Variants in CHSY3 observed in about 807,000 individuals in gnomAD.
The protein encoded by CHSY3 is chondroitin sulfate synthase 3, also known as N-acetylgalactosaminyl-proteoglycan 3-beta-glucuronosyltransferase 3.
A neutral mutation model predicts 67.2 loss-of-function variants in CHSY3; 35 were observed. The ratio of observed to expected loss-of-function variants is 0.52; its 90% CI spans 0.40 to 0.69. The LOEUF (loss-of-function observed/expected upper bound fraction) is 0.69. Among genes scored for constraint, CHSY3 ranks in the 30% least tolerant of loss-of-function variants. CHSY3 has a pLI of 0.00. For missense variants in CHSY3, 1,069 were observed against 1,138.5 expected, an observed-to-expected ratio of 0.94 and a Z score of 0.88; for synonymous variants, 474 against 434.7, an observed-to-expected ratio of 1.09 and a Z score of -1.12.
At chr5:130,131,295 G>A (rs1457050931) in intron 2 of CHSY3, among the ~76,000 whole-genome samples, 2 of 152,070 alleles carry the variant, frequency 1.3e-5, no homozygotes, top group African/African-American at 4.8e-5. Context: ...AGCCTTTTCT[G>A]TCTAGACACC....
At chr5:130,150,645 A>C (rs1023722082) in intron 2 of CHSY3, among the ~76,000 whole-genome samples, 2 of 152,186 alleles carry the variant, frequency 1.3e-5, no homozygotes, top group Non-Finnish European at 2.9e-5. Flanking sequence ...ACTTTCCATC[A>C]TGGTGCTAAG....
intron 2 of CHSY3, among the ~76,000 whole-genome samples, chr5:130,175,804 T>C (rs1770029866): frequency 6.6e-6 from 1 of 152,232 alleles, no homozygotes; most frequent in Admixed American, 6.5e-5. Context: ...GCTACCCATA[T>C]GCAGAAAACT....
chr5:130,166,564 T>C (rs1379799288), intron 2 of CHSY3, among the ~76,000 whole-genome samples: 1 of 152,154 alleles, frequency 6.6e-6, no homozygotes, highest in African/African-American at 2.4e-5. Flanking sequence ...CTTTACTTGA[T>C]TTTTGTTAGC....
chr5:130,032,352 G>GT (rs1764726558), intron 2 of CHSY3, among the ~76,000 whole-genome samples: 2 of 152,112 alleles, frequency 1.3e-5, no homozygotes. Context: ...TTCTACTAAT[G>GT]TAAAAATATT....
At chr5:130,177,105 A>G (rs754299505) in intron 2 of CHSY3, among the ~76,000 whole-genome samples, 1 of 151,450 alleles carries the variant, frequency 6.6e-6, no homozygotes, top group Non-Finnish European at 1.5e-5. Context: ...TTCCTTTCCT[A>G]CACAATCACA....
intron 2 of CHSY3, among the ~76,000 whole-genome samples, chr5:130,146,381 T>C (rs143517810): frequency 6.6e-6 from 1 of 152,236 alleles, no homozygotes; most frequent in African/African-American, 2.4e-5. Flanking sequence ...ATCTCACTCA[T>C]ACGTGGAAAC....
At chr5:129,938,043 T>A (rs896740765) in intron 2 of CHSY3, among the ~76,000 whole-genome samples, 40 of 152,086 alleles carry the variant, frequency 2.6e-4, no homozygotes, top group African/African-American at 9.7e-4. Flanking sequence ...TCCATAATCC[T>A]CTGAAATCTA....
At chr5:129,994,931 A>T (rs1481950905) in intron 2 of CHSY3, among the ~76,000 whole-genome samples, 2 of 152,036 alleles carry the variant, frequency 1.3e-5, no homozygotes, top group East Asian at 3.9e-4. Context: ...TAGCATTAGG[A>T]GATATACCTA....
chr5:130,129,732 C>T (rs1013772184), intron 2 of CHSY3, among the ~76,000 whole-genome samples: 5 of 152,046 alleles, frequency 3.3e-5, no homozygotes, highest in Admixed American at 6.6e-5. Flanking sequence ...TCGCACTGCC[C>T]GTTTCTAGTT....
chr5:130,150,364 C>T (rs1284123549), intron 2 of CHSY3, among the ~76,000 whole-genome samples: 1 of 152,028 alleles, frequency 6.6e-6, no homozygotes, highest in Non-Finnish European at 1.5e-5. Context: ...TCTAGCCACA[C>T]ACAAATTTTG....
intron 2 of CHSY3, among the ~76,000 whole-genome samples, chr5:129,910,408 G>A (rs1055171729): frequency 1.3e-5 from 2 of 151,818 alleles, no homozygotes; most frequent in Admixed American, 1.3e-4. Flanking sequence ...TTTATGTTTT[G>A]CTAAGTTATT....
At chr5:129,930,508 C>G (rs11242014) in intron 2 of CHSY3, among the ~76,000 whole-genome samples, 77,025 of 104,354 alleles carry the variant, frequency 0.74, 26,113 homozygotes, top group Middle Eastern at 0.88. Context: ...GCATCACTGG[C>G]GGGGGGGGGG....
intron 2 of CHSY3, among the ~76,000 whole-genome samples, chr5:130,024,238 T>C (rs1269472478): frequency 1.3e-5 from 2 of 151,968 alleles, no homozygotes; most frequent in East Asian, 3.9e-4. Flanking sequence ...CTAAATTCTT[T>C]CCACATTAGA....
intron 2 of CHSY3, among the ~76,000 whole-genome samples, chr5:130,103,752 T>C (rs1767326819): frequency 6.6e-6 from 1 of 152,036 alleles, no homozygotes. Flanking sequence ...TAAGTTTACC[T>C]GAGAGCCTTG....
chr5:130,055,603 G>A (rs1176186033), intron 2 of CHSY3, among the ~76,000 whole-genome samples: 1 of 152,056 alleles, frequency 6.6e-6, no homozygotes, highest in Non-Finnish European at 1.5e-5. Flanking sequence ...TGATGGCTTT[G>A]AGGACATAAA....
chr5:129,905,097 G>C lies in CHSY3; in HGVS notation c.268G>C (p.Glu90Gln). 6.5e-7 allele frequency: 1 copy of C among 1,541,736 alleles called. No homozygotes were observed. The change falls in exon 1 of 3, where the codon GAG becomes CAG. Residue 90 changes from glutamate to glutamine, a missense_variant. Physicochemically the swap from Glu to Gln is conservative, Grantham distance 29. This residue lies in a region of CHSY3 where 309 missense variants were observed against 262.5 expected (regional missense o/e 1.18). Coordinates refer to ENST00000305031, the MANE Select transcript of CHSY3 (RefSeq NM_175856.5). Reference sequence around the variant, plus strand: ...GGATCTCCAGGGGCCACCGCTGCCCGAGGCAGCACCCGGGATCACCAGTTT... The same window carrying C: ...GGATCTCCAGGGGCCACCGCTGCCCCAGGCAGCACCCGGGATCACCAGTTT... The part of the protein sequence containing the change: ...RQDLQGPPLP[E>Q]AAPGITSFRS...
intron 2 of CHSY3, among the ~76,000 whole-genome samples, chr5:129,984,542 G>A (rs149886688): frequency 3.9e-5 from 6 of 152,148 alleles, no homozygotes; most frequent in South Asian, 2.1e-4. Flanking sequence ...TATATGCCCC[G>A]CAATGGGATT....
At chr5:129,990,679 G>A (rs976518341) in intron 2 of CHSY3, among the ~76,000 whole-genome samples, 1 of 151,990 alleles carries the variant, frequency 6.6e-6, no homozygotes, top group Non-Finnish European at 1.5e-5. Flanking sequence ...TATAGTAGTA[G>A]ATTGTACTTA....
At chr5:130,036,418 G>A (rs1315798829) in intron 2 of CHSY3, among the ~76,000 whole-genome samples, 1 of 152,120 alleles carries the variant, frequency 6.6e-6, no homozygotes, top group Non-Finnish European at 1.5e-5. Flanking sequence ...AATGCACAAA[G>A]ATTGCTTTTG....
Sources: allele counts gnomAD v4.1 joint callset (sites outside exome capture counted in the v4.1 genomes callset), GRCh38; gene constraint gnomAD v4.1.1; regional missense constraint gnomAD v4.1.1; transcripts MANE v1.5; gene names NCBI Gene and HGNC (gene_info 2026-07-23, HGNC 2026-07-21).